Variants in DLL4 observed in about 807,000 individuals in gnomAD.
DLL4 encodes delta like canonical Notch ligand 4.
A neutral mutation model predicts 73.6 loss-of-function variants in DLL4; 7 were observed. The observed-to-expected ratio is 0.10, with a 90% confidence interval of 0.05 to 0.18. DLL4 has a LOEUF of 0.18. Ranked by LOEUF, DLL4 falls within the 10% of genes least tolerant of loss-of-function variation. The pLI, the probability that DLL4 is intolerant of heterozygous loss-of-function variation, is 1.00. For synonymous variants in DLL4, 345 were observed against 374.3 expected, an observed-to-expected ratio of 0.92 and a Z score of 0.90; for missense variants, 614 against 929.9, an observed-to-expected ratio of 0.66 and a Z score of 4.42.
Position 40,934,634 on chromosome 15 carries a change from C to T in DLL4, c.937C>T (p.Arg313Cys), listed in dbSNP as rs959903939. 29 of 1,613,814 alleles carry T rather than the reference C, an allele frequency of 1.8e-5. No individual in the cohort carries two copies. Among genetic ancestry groups the T allele is most frequent in the African/African-American group, 4.0e-5 (3 of 74,936 alleles). ...SGQRSYTCTCRPGYTGVDCEL... is the reference protein window; with the variant it reads ...SGQRSYTCTCCPGYTGVDCEL... ...GCAGCGAAGCTACACCTGCACCTGT[C>T]GCCCAGGCTACACTGGTGTGGACTG... is the stretch of plus-strand genomic sequence containing the variant. The change falls in exon 7 of 11, where the codon CGC becomes TGC. Residue 313 changes from arginine (R) to cysteine (C), a missense_variant. By Grantham distance (180) the Arg-to-Cys change is radical (BLOSUM62 -3). Coordinates refer to ENST00000249749, the MANE Select transcript of DLL4 (RefSeq NM_019074.4).
Position 40,937,537 on chromosome 15 carries a change from G to T in DLL4, c.2052+11G>T, listed in dbSNP as rs1892862895. ...GTCATTGCCACGGAGGTGAGTGCTG[G>T]GCTCGCCTTTCCTTCTGCCTTTTGT... On this transcript the variant is annotated intron_variant, in intron 10 of 10. Coordinates refer to ENST00000249749, the MANE Select transcript of DLL4 (RefSeq NM_019074.4). 4.5e-6 allele frequency: 7 copies of T among 1,572,702 alleles called. No homozygotes were observed. The highest frequency in any genetic ancestry group is 6.1e-6 in the Non-Finnish European group (7 of 1,142,206).
At chr15:40,934,429 G>A in intron 6 of DLL4, 119 bp from the exon 7 acceptor site, 1 of 908,200 alleles carries the variant, frequency 1.1e-6, no homozygotes, top group Non-Finnish European at 1.6e-6. Flanking sequence ...GTTTGGGCCT[G>A]GGAGACTTTG....
In DLL4 at chr15:40,930,586, C is replaced by G. The variant is rs1395698374; in HGVS notation, c.337-39C>G. On this transcript the variant is annotated intron_variant, in intron 2 of 10. Transcript: ENST00000249749. This position sits in a 1 kb window ranked among gnomAD's most constrained non-coding sequence, Gnocchi z 5.7. Reference sequence around the variant, plus strand: ...GCACCCCCACCTCTCCCCGCTTGCTCATCTCGCCATCTCTCCGTCCCCCCA... The same window carrying G: ...GCACCCCCACCTCTCCCCGCTTGCTGATCTCGCCATCTCTCCGTCCCCCCA... The G allele has an allele frequency of 6.3e-7, 1 of 1,590,552 alleles. No individual in the cohort carries two copies. The highest frequency in any genetic ancestry group is 8.6e-7 in the Non-Finnish European group (1 of 1,160,002).
Position 40,930,945 on chromosome 15 carries a change from G to C in DLL4, c.394+263G>C. The C allele has an allele frequency of 1.7e-6, 1 of 575,404 alleles. No individual in the cohort carries two copies. The allele number at this position is 575,404 out of a possible 1,614,324, so 35.6% of individuals were successfully genotyped here. A position where few individuals can be genotyped will look rare whatever the true frequency, so the allele number is the denominator to read the frequency against. On this transcript the variant is annotated intron_variant, in intron 3 of 10. Coordinates refer to ENST00000249749, the MANE Select transcript of DLL4 (RefSeq NM_019074.4). This position sits in a 1 kb window ranked among gnomAD's most constrained non-coding sequence, Gnocchi z 5.7. ...GGCTGAAGCTGCCAGCGCCGCTGACGGGCCCCTTCCTGTATTTTACACCTT... is the reference window on the plus strand; with the variant it reads ...GGCTGAAGCTGCCAGCGCCGCTGACCGGCCCCTTCCTGTATTTTACACCTT...
In DLL4 at chr15:40,935,085, T is replaced by C. The variant is rs1049485469; in HGVS notation, c.1208T>C (p.Val403Ala). The change falls in exon 8 of 11, where the codon GTG (valine) becomes GCG (alanine). Residue 403 changes from valine to alanine, a missense_variant. Transcript: ENST00000249749. ...ACCGGCTCCAACTGCGAGAAGAAAGTGGACAGGTGCACCAGCAACCCCTGT... is the reference window on the plus strand; with the variant it reads ...ACCGGCTCCAACTGCGAGAAGAAAGCGGACAGGTGCACCAGCAACCCCTGT... The part of the protein sequence containing the change: ...NFTGSNCEKK[V>A]DRCTSNPCAN... The C allele has an allele frequency of 1.2e-6, 2 of 1,612,920 alleles. No homozygotes were observed. The highest frequency in any genetic ancestry group is 1.1e-5 in the South Asian group (1 of 91,082).
In DLL4 at chr15:40,936,218, G is replaced by A. The variant is rs751673521; in HGVS notation, c.1241-10G>A. The A allele has an allele frequency of 2.9e-5, 46 of 1,563,254 alleles. No individual in the cohort carries two copies. The African/African-American group carries it at 3.1e-4, about 11-fold the overall frequency. ...GCTATCACTGACTTGTGTCTCATGC[G>A]TCCTCACAGGGGGACAGTGCCTGAA... On this transcript the variant is annotated splice_polypyrimidine_tract_variant and intron_variant, in intron 8 of 10. Transcript: ENST00000249749.
intron 9 of DLL4, 22 bp downstream of exon 9, chr15:40,936,952 A>C: frequency 6.5e-7 from 1 of 1,549,310 alleles, no homozygotes; most frequent in Non-Finnish European, 8.7e-7. Context: ...CCAGAAGCCC[A>C]GGGCCTGGCC....
At chr15:40,933,306 C>G (rs1892796164) in intron 6 of DLL4, among the ~76,000 whole-genome samples, 1 of 144,810 alleles carries the variant, frequency 6.9e-6, no homozygotes, top group Non-Finnish European at 1.5e-5. Flanking sequence ...GTGTCTGTCC[C>G]TTTACTACCA....
At chr15:40,934,442 T>G in intron 6 of DLL4, 106 bp from the exon 7 acceptor site, 1 of 1,126,558 alleles carries the variant, frequency 8.9e-7, no homozygotes, top group Non-Finnish European at 1.2e-6. Context: ...AGACTTTGAG[T>G]TGAGGTGTCT....
chr15:40,929,673 C>T lies in DLL4; in HGVS notation c.5C>T (p.Ala2Val), dbSNP rs754069384. ...GAGAGAGCGACGCCCGAGGGGATGG[C>T]GGCAGCGTCCCGGAGCGCCTCTGGC... is the stretch of plus-strand genomic sequence containing the variant. M[A>V]AASRSASGWA... Residue 2 changes from alanine (A) to valine (V), a missense_variant, in exon 1 of 11, where the codon GCG (alanine) becomes GTG (valine). Physicochemically the swap from Ala to Val is moderately conservative, Grantham distance 64. Around this residue, in one of 3 missense-constraint regions of DLL4, gnomAD observed 227 missense variants for 370.8 expected, o/e 0.61. Coordinates refer to ENST00000249749, the MANE Select transcript of DLL4 (RefSeq NM_019074.4). The surrounding 1 kb of genome is among the most constrained non-coding windows in gnomAD (Gnocchi z 7.1). 6.5e-7 allele frequency: 1 copy of T among 1,545,782 alleles called. No individual in the cohort carries two copies.
rs1407909834 is a variant in DLL4 at position 40,930,480 on chromosome 15, C to A, written c.337-145C>A. On this transcript the variant is annotated intron_variant, in intron 2 of 10. Transcript: ENST00000249749. The surrounding 1 kb of genome is among the most constrained non-coding windows in gnomAD (Gnocchi z 5.7). ...TCTCGCCTTCCCTGCTCAAGCGCTA[C>A]ACTGTGCACAGCCCCGTTATGTTGA... 9 of 736,924 alleles carry A rather than the reference C, an allele frequency of 1.2e-5. No homozygotes were observed. Among genetic ancestry groups the A allele is most frequent in the Non-Finnish European group, 2.1e-5 (9 of 421,158 alleles). 45.6% of individuals were successfully genotyped at this position (736,924 alleles called of 1,614,324 possible).
Position 40,929,580 on chromosome 15 carries a change from C to A in DLL4, c.-89C>A. 1 of 1,274,028 alleles carries A rather than the reference C, an allele frequency of 7.8e-7. No homozygotes were observed. Among genetic ancestry groups the A allele is most frequent in the Non-Finnish European group, 1.1e-6 (1 of 952,170 alleles). The allele number at this position is 1,274,028 out of a possible 1,614,324, so 78.9% of individuals were successfully genotyped here. A position where few individuals can be genotyped will look rare whatever the true frequency, so the allele number is the denominator to read the frequency against. On this transcript the variant is annotated 5_prime_UTR_variant, in exon 1 of 11. Coordinates refer to ENST00000249749, the MANE Select transcript of DLL4 (RefSeq NM_019074.4). This position sits in a 1 kb window ranked among gnomAD's most constrained non-coding sequence, Gnocchi z 7.1. The stretch of plus-strand genomic sequence containing the variant: ...CGAGAGGAGCGCCTCTTTTCAGGGA[C>A]CCCGCCGGCTGGCGGACGCGCGGGA...
chr15:40,930,838 T>C lies in DLL4; in HGVS notation c.394+156T>C. On this transcript the variant is annotated intron_variant, in intron 3 of 10. Transcript: ENST00000249749. This position sits in a 1 kb window ranked among gnomAD's most constrained non-coding sequence, Gnocchi z 5.7. Reference sequence around the variant, plus strand: ...CCCGCGCTGGACGCTCGGATTCCGCTCGCTGCCTGGACTCAGAGCACAATT... The same window carrying C: ...CCCGCGCTGGACGCTCGGATTCCGCCCGCTGCCTGGACTCAGAGCACAATT... 2 of 733,634 alleles carry C rather than the reference T, an allele frequency of 2.7e-6. No homozygotes were observed. Among genetic ancestry groups the C allele is most frequent in the East Asian group, 5.5e-5 (2 of 36,578 alleles). 45.4% of individuals were successfully genotyped at this position (733,634 alleles called of 1,614,324 possible). A position where few individuals can be genotyped will look rare whatever the true frequency, so the allele number is the denominator to read the frequency against.
At chr15:40,931,226 A>G (rs963876977) in intron 3 of DLL4, 9 of 504,354 alleles carry the variant, frequency 1.8e-5, no homozygotes, top group African/African-American at 1.5e-4. Flanking sequence ...TCCCCTCCCT[A>G]TCTGCCTCCA....
In DLL4 at chr15:40,929,904, G is replaced by C; in HGVS notation, c.124G>C (p.Gly42Arg). The C allele has an allele frequency of 1.2e-6, 2 of 1,612,992 alleles. No individual in the cohort carries two copies. The highest frequency in any genetic ancestry group is 1.7e-6 in the Non-Finnish European group (2 of 1,179,790). Residue 42 changes from glycine to arginine, a missense_variant, in exon 2 of 11, where the codon GGC becomes CGC. Transcript: ENST00000249749. The surrounding 1 kb of genome is among the most constrained non-coding windows in gnomAD (Gnocchi z 7.1). ...GCTGCAGGAGTTCATCAACGAGCGC[G>C]GCGTACTGGCCAGTGGGCGGCCTTG... ...LQLQEFINER[G>R]VLASGRPCEP... is the part of the protein sequence containing the mutation.
In DLL4 at chr15:40,931,806, C is replaced by G. The variant is rs766317657; in HGVS notation, c.658+40C>G. 5.0e-6 allele frequency: 8 copies of G among 1,608,082 alleles called. No individual in the cohort carries two copies. In the Admixed American group the frequency reaches 1.2e-4, roughly 24 times the overall value. ...TCCCACCTGTGTGGAAGGGGAGGGTCCCCTGAGGAAACACAGTGGAGCTTC... is the reference window on the plus strand; with the variant it reads ...TCCCACCTGTGTGGAAGGGGAGGGTGCCCTGAGGAAACACAGTGGAGCTTC... On this transcript the variant is annotated intron_variant, in intron 4 of 10. Coordinates refer to ENST00000249749, the MANE Select transcript of DLL4 (RefSeq NM_019074.4).
Position 40,929,949 on chromosome 15 carries a change from T to A in DLL4, c.169T>A (p.Phe57Ile), listed in dbSNP as rs1396912818. 1 of 1,613,210 alleles carries A rather than the reference T, an allele frequency of 6.2e-7. No individual in the cohort carries two copies. Among genetic ancestry groups the A allele is most frequent in the Non-Finnish European group, 8.5e-7 (1 of 1,179,826 alleles). ...GRPCEPGCRT[F>I]FRVCLKHFQA... ...GCCTTGCGAGCCCGGCTGCCGGACT[T>A]TCTTCCGCGTCTGCCTTAAGCACTT... Residue 57 changes from phenylalanine (F) to isoleucine (I), a missense_variant, in exon 2 of 11, where the codon TTC becomes ATC. Phe to Ile is a conservative substitution (Grantham distance 21). This residue lies in a region of DLL4 where 227 missense variants were observed against 370.8 expected (regional missense o/e 0.61). Coordinates refer to ENST00000249749, the MANE Select transcript of DLL4 (RefSeq NM_019074.4). The surrounding 1 kb of genome is among the most constrained non-coding windows in gnomAD (Gnocchi z 7.1).
chr15:40,937,708 C>T (rs1892864760), intron 10 of DLL4, among the ~76,000 whole-genome samples, 182 bp downstream of exon 10: 2 of 152,306 alleles, frequency 1.3e-5, no homozygotes, highest in South Asian at 2.1e-4. Flanking sequence ...GGAACCATGG[C>T]GGCAAGCCTG....
In DLL4 at chr15:40,936,573, G is replaced by C. The variant is rs1892848604; in HGVS notation, c.1586G>C (p.Trp529Ser). The change falls in exon 9 of 11, where the codon TGG becomes TCG. Residue 529 changes from tryptophan (W) to serine (S), a missense_variant. Trp to Ser is a radical substitution (Grantham distance 177, BLOSUM62 -3). Coordinates refer to ENST00000249749, the MANE Select transcript of DLL4 (RefSeq NM_019074.4). Reference protein sequence around the residue: ...FPVGLPPSFPWVAVSLGVGLA... With the variant: ...FPVGLPPSFPSVAVSLGVGLA... The stretch of plus-strand genomic sequence containing the variant: ...GTGGGCTTGCCGCCCAGCTTCCCCT[G>C]GGTGGCCGTCTCGCTGGGTGTGGGG... 1 of 1,609,320 alleles carries C rather than the reference G, an allele frequency of 6.2e-7. No individual in the cohort carries two copies. The highest frequency in any genetic ancestry group is 2.2e-5 in the East Asian group (1 of 44,712).
Sources: allele counts gnomAD v4.1 joint callset (sites outside exome capture counted in the v4.1 genomes callset), GRCh38; gene constraint gnomAD v4.1.1; regional missense constraint gnomAD v4.1.1; non-coding constraint Gnocchi (gnomAD v3.1); transcripts MANE v1.5; gene names NCBI Gene and HGNC (gene_info 2026-07-23, HGNC 2026-07-21).